HSD17B4: variants seen among roughly 807,000 people sequenced by gnomAD.
HSD17B4 encodes the protein hydroxysteroid 17-beta dehydrogenase 4, also known as peroxisomal multifunctional enzyme type 2.
Under a neutral mutation model 101.0 loss-of-function variants are expected in HSD17B4, and 70 were observed. The observed-to-expected ratio is 0.69, with a 90% CI of 0.57 to 0.85. HSD17B4 has a LOEUF of 0.85. Ranked by LOEUF, HSD17B4 falls within the 40% of genes least tolerant of loss-of-function variation. HSD17B4 has a pLI of 0.00. For synonymous variants in HSD17B4, 347 were observed against 297.1 expected, an observed-to-expected ratio of 1.17 and a Z score of -1.73; for missense variants, 984 against 892.4, an observed-to-expected ratio of 1.10 and a Z score of -1.31.
intron 17 of HSD17B4, among the ~76,000 whole-genome samples, chr5:119,519,464 GT>G (rs1371920920): frequency 3.9e-5 from 6 of 152,218 alleles, no homozygotes; most frequent in Non-Finnish European, 7.3e-5. Context: ...ATGTCTTCTA[GT>G]GGGAGATCTT....
At chr5:119,530,045 A>G (rs779955090) in intron 21 of HSD17B4, 65 bp downstream of exon 21, 29 of 930,350 alleles carry the variant, frequency 3.1e-5, no homozygotes, top group Non-Finnish European at 5.0e-5. Context: ...AGGTGACTTT[A>G]AGAGTGGTTA....
At chr5:119,481,740 A>C (rs1749155657) in intron 8 of HSD17B4, among the ~76,000 whole-genome samples, 1 of 152,172 alleles carries the variant, frequency 6.6e-6, no homozygotes, top group Non-Finnish European at 1.5e-5. Flanking sequence ...CCTGATGTAG[A>C]GTTGCCACAA....
intron 7 of HSD17B4, 155 bp downstream of exon 7, chr5:119,477,656 T>G: frequency 1.5e-6 from 1 of 660,174 alleles, no homozygotes; most frequent in Admixed American, 2.2e-5. Flanking sequence ...ATACCCTCAT[T>G]AAATTGGTAT....
intron 14 of HSD17B4, among the ~76,000 whole-genome samples, chr5:119,502,729 A>C (rs1041826551): frequency 3.9e-5 from 6 of 152,176 alleles, no homozygotes; most frequent in Non-Finnish European, 7.4e-5. Flanking sequence ...CATGTTATAC[A>C]ATGTAGAGGT....
chr5:119,490,129 A>G (rs1749970371), intron 9 of HSD17B4, among the ~76,000 whole-genome samples: 1 of 152,096 alleles, frequency 6.6e-6, no homozygotes, highest in South Asian at 2.1e-4. Context: ...AGCTTATTTC[A>G]TTTGAATGAA....
At chr5:119,526,102 A>C in intron 19 of HSD17B4, 79 bp downstream of exon 19, 1 of 839,738 alleles carries the variant, frequency 1.2e-6, no homozygotes, top group South Asian at 1.3e-5. Context: ...TTAGTGATTT[A>C]ATTGAAAATA....
At chr5:119,497,100 G>A (rs914281488) in intron 12 of HSD17B4, among the ~76,000 whole-genome samples, 1 of 152,182 alleles carries the variant, frequency 6.6e-6, no homozygotes, top group Non-Finnish European at 1.5e-5. Flanking sequence ...GAGAATGGAG[G>A]TAACCCACTC....
chr5:119,518,410 G>C (rs1300982805), intron 17 of HSD17B4, among the ~76,000 whole-genome samples: 1 of 152,096 alleles, frequency 6.6e-6, no homozygotes, highest in Non-Finnish European at 1.5e-5. Flanking sequence ...GAGGGTCCGC[G>C]GCTTCATTCT....
chr5:119,506,133 A>G (rs13436451), intron 14 of HSD17B4, among the ~76,000 whole-genome samples: 7,140 of 152,058 alleles, frequency 0.047, 606 homozygotes, highest in East Asian at 0.42. Flanking sequence ...CGTCACCTAT[A>G]TTAGGTATTT....
chr5:119,478,293 T>C (rs911517454), intron 7 of HSD17B4, among the ~76,000 whole-genome samples: 1 of 152,220 alleles, frequency 6.6e-6, no homozygotes, highest in Non-Finnish European at 1.5e-5. Context: ...TTAGGATTCA[T>C]ACATACCTAA....
In HSD17B4 at chr5:119,470,434, A is replaced by G. The variant is rs538232760; in HGVS notation, c.113-3474A>G. Reference sequence around the variant, plus strand: ...ACTGTAACAGCTTGGGTCTCATGGGATAGGGAGGACTCAGCTTGTGTTTCT... The same window carrying G: ...ACTGTAACAGCTTGGGTCTCATGGGGTAGGGAGGACTCAGCTTGTGTTTCT... On this transcript the variant is annotated intron_variant, in intron 2 of 23. Transcript: ENST00000510025. Among the ~76,000 whole-genome samples the G allele has an allele frequency of 2.6e-5, 4 of 152,186 alleles. No individual in the cohort carries two copies. The South Asian group carries it at 8.3e-4, about 32-fold the overall frequency.
chr5:119,510,969 A>ACC (rs2126820883), intron 16 of HSD17B4, among the ~76,000 whole-genome samples: 2 of 152,214 alleles, frequency 1.3e-5, no homozygotes, highest in African/African-American at 4.8e-5. Context: ...TGGAGACTTT[A>ACC]CCCTACCTGT....
intron 22 of HSD17B4, chr5:119,536,222 A>C: frequency 1.9e-6 from 1 of 524,832 alleles, no homozygotes; most frequent in East Asian, 3.6e-5. Flanking sequence ...TCTTTACCTC[A>C]AATTTCTGTA....
intron 2 of HSD17B4, chr5:119,472,593 C>A (rs1290848502): frequency 6.6e-6 from 1 of 152,144 alleles, no homozygotes. Context: ...ATCATCACGC[C>A]CAGCTAATTT....
At chr5:119,532,482 A>G (rs1430764507) in intron 22 of HSD17B4, among the ~76,000 whole-genome samples, 1 of 152,142 alleles carries the variant, frequency 6.6e-6, no homozygotes, top group Non-Finnish European at 1.5e-5. Flanking sequence ...TTTAAAAAAA[A>G]GGTTCTGAAA....
At chr5:119,483,364 T>G (rs1378776618) in intron 8 of HSD17B4, among the ~76,000 whole-genome samples, 1 of 152,190 alleles carries the variant, frequency 6.6e-6, no homozygotes, top group East Asian at 1.9e-4. Flanking sequence ...TCTCTGGTGC[T>G]GATAAGCAGA....
chr5:119,527,590 T>C (rs1370560867), intron 20 of HSD17B4, among the ~76,000 whole-genome samples: 1 of 152,010 alleles, frequency 6.6e-6, no homozygotes, highest in South Asian at 2.1e-4. Context: ...CAGACAGATA[T>C]ACAGTGAAAA....
At chr5:119,485,693 C>G (rs1253610938) in intron 8 of HSD17B4, among the ~76,000 whole-genome samples, 1 of 152,082 alleles carries the variant, frequency 6.6e-6, no homozygotes, top group African/African-American at 2.4e-5. Context: ...GACATTTTTG[C>G]TATTTCATTT....
In HSD17B4 at chr5:119,499,381, T is replaced by C. The variant is rs1379364772; in HGVS notation, c.1037T>C (p.Met346Thr). 1.2e-5 allele frequency: 20 copies of C among 1,613,974 alleles called. No homozygotes were observed. Among genetic ancestry groups the C allele is most frequent in the Non-Finnish European group, 1.6e-5 (19 of 1,179,898 alleles). Reference protein sequence around the residue: ...SYAYTELEAIMYALGVGASIK... With the variant: ...SYAYTELEAITYALGVGASIK... ...GCTTATACGGAACTGGAAGCTATTA[T>C]GTATGCCCTTGGAGTGGGAGCGTCA... The change falls in exon 13 of 24, where the codon ATG becomes ACG. Residue 346 changes from methionine to threonine, a missense_variant. By Grantham distance (81) the Met-to-Thr change is moderately conservative. Coordinates refer to ENST00000510025, the MANE Select transcript of HSD17B4 (RefSeq NM_000414.4).
Sources: allele counts gnomAD v4.1 joint callset (sites outside exome capture counted in the v4.1 genomes callset), GRCh38; gene constraint gnomAD v4.1.1; transcripts MANE v1.5; gene names NCBI Gene and HGNC (gene_info 2026-07-23, HGNC 2026-07-21).